Variants in CAPG observed in about 807,000 individuals in gnomAD.
The protein encoded by CAPG is macrophage-capping protein.
A neutral mutation model predicts 44.6 loss-of-function variants in CAPG; 32 were observed. The observed-to-expected ratio is 0.72, with a 90% CI of 0.54 to 0.96. CAPG has a LOEUF of 0.96. Ranked by LOEUF, CAPG falls within the 50% of genes least tolerant of loss-of-function variation. The pLI, the probability that CAPG is intolerant of heterozygous loss-of-function variation, is 0.00. For missense variants in CAPG, 412 were observed against 438.3 expected (o/e 0.94, Z 0.54); for synonymous variants, 175 against 179.6 (o/e 0.97, Z 0.20).
downstream of CAPG, among the ~76,000 whole-genome samples, chr2:85,393,725 C>A (rs550974834): frequency 9.9e-5 from 15 of 152,232 alleles, no homozygotes; most frequent in African/African-American, 3.4e-4. Context: ...CAACCATGCC[C>A]GGCTAATTTT....
At chr2:85,405,009 G>GC (rs1403453573) in intron 1 of CAPG, among the ~76,000 whole-genome samples, 1 of 151,304 alleles carries the variant, frequency 6.6e-6, no homozygotes, top group Non-Finnish European at 1.5e-5. Context: ...TGTTAAAAAG[G>GC]CATCTATTAA....
In CAPG at chr2:85,395,632, T is replaced by C. The variant is rs754582469; in HGVS notation, c.893-6A>G. Reference sequence around the variant, plus strand: ...CTTCTCATTCGCTTTTCGCCCTAGATCATAGGAAGGAGATTTTTAAAAAGA... The same window carrying C: ...CTTCTCATTCGCTTTTCGCCCTAGACCATAGGAAGGAGATTTTTAAAAAGA... On this transcript the variant is annotated splice_region_variant and splice_polypyrimidine_tract_variant and intron_variant, in intron 8 of 9. Transcript: ENST00000263867. The surrounding 1 kb of genome is among the most constrained non-coding windows in gnomAD (Gnocchi z 4.3). 6.2e-7 allele frequency: 1 copy of C among 1,610,392 alleles called. No individual in the cohort carries two copies. The highest frequency in any genetic ancestry group is 1.1e-5 in the South Asian group (1 of 90,658).
chr2:85,415,756 A>G (rs1687538029), intron 1 of CAPG, among the ~76,000 whole-genome samples: 1 of 152,246 alleles, frequency 6.6e-6, no homozygotes, highest in African/African-American at 2.4e-5. Context: ...AAGACTTCCT[A>G]GCCACAGATT....
chr2:85,399,135 C>G lies in CAPG; in HGVS notation c.666+1G>C, dbSNP rs376931882. 2 of 1,613,618 alleles carry G rather than the reference C, an allele frequency of 1.2e-6. No homozygotes were observed. The highest frequency in any genetic ancestry group is 1.7e-6 in the Non-Finnish European group (2 of 1,179,540). ...AGCCACCCACTCCAATGTCCCCCAACCTGGATCATCTCAGCAGGCTCCTCC... is the reference window on the plus strand; with the variant it reads ...AGCCACCCACTCCAATGTCCCCCAAGCTGGATCATCTCAGCAGGCTCCTCC... On this transcript the variant is annotated splice_donor_variant, in intron 6 of 9. Coordinates refer to ENST00000263867, the MANE Select transcript of CAPG (RefSeq NM_001747.4). LOFTEE classifies it high-confidence loss of function.
At chr2:85,408,843 A>AG (rs1687293059) in intron 1 of CAPG, 2 of 152,564 alleles carry the variant, frequency 1.3e-5, no homozygotes, top group African/African-American at 4.8e-5. Context: ...AATAAAACAA[A>AG]AAAAAGAAAG....
At chr2:85,403,793 G>A (rs991609640) in intron 1 of CAPG, among the ~76,000 whole-genome samples, 91 of 151,076 alleles carry the variant, frequency 6.0e-4, no homozygotes, top group African/African-American at 1.7e-3. Context: ...AGGCTGAGGC[G>A]GGAAAATTGC....
chr2:85,407,712 C>T (rs1441124559), intron 1 of CAPG, among the ~76,000 whole-genome samples: 1 of 91,156 alleles, frequency 1.1e-5, no homozygotes, highest in African/African-American at 4.3e-5. Context: ...GACTCTGTCT[C>T]AAAAAAAAAA....
At position 85,401,611 on chromosome 2, in the gene CAPG, T is replaced by C. The variant is rs908836213; in HGVS notation, c.269A>G (p.Glu90Gly). 4.3e-6 allele frequency: 7 copies of C among 1,613,844 alleles called. No homozygotes were observed. The South Asian group carries it at 4.4e-5, about 10-fold the overall frequency. ...CACCTCGCGGTGCTGCACAGGCCGC[T>C]CTCCCAGCAGCGTGTTGAGGTGCAC... is the stretch of plus-strand genomic sequence containing the variant. The part of the protein sequence containing the change: ...LAVHLNTLLG[E>G]RPVQHREVQG... Residue 90 changes from glutamate (E) to glycine (G), a missense_variant, in exon 4 of 10, where the codon GAG becomes GGG. Physicochemically the swap from Glu to Gly is moderately conservative, Grantham distance 98 (BLOSUM62 -2). Transcript: ENST00000263867.
chr2:85,401,547 T>G lies in CAPG; in HGVS notation c.333A>C (p.Pro111=). 6.2e-7 allele frequency: 1 copy of G among 1,614,054 alleles called. No individual in the cohort carries two copies. Reference sequence around the variant, plus strand: ...CTCTGACCTGGTACTTGAGGCCCCGTGGGAAGTAGCTCATGAAGAGGTCAG... The same window carrying G: ...CTCTGACCTGGTACTTGAGGCCCCGGGGGAAGTAGCTCATGAAGAGGTCAG... ...NESDLFMSYF[P]RGLKYQEGGV... Residue 111 remains proline (P), a synonymous_variant, in exon 4 of 10, where the codon CCA becomes CCC. Transcript: ENST00000263867.
upstream of CAPG, among the ~76,000 whole-genome samples, chr2:85,411,482 C>T (rs1687407962): frequency 6.6e-6 from 1 of 152,240 alleles, no homozygotes; most frequent in Non-Finnish European, 1.5e-5. Context: ...GGGAGGCTCC[C>T]ATTCCCTTCT....
Position 85,402,105 on chromosome 2 carries a change from A to G in CAPG, c.23+18T>C. The G allele has an allele frequency of 6.2e-7, 1 of 1,610,730 alleles. No homozygotes were observed. The highest frequency in any genetic ancestry group is 1.1e-5 in the South Asian group (1 of 90,612). On this transcript the variant is annotated intron_variant, in intron 2 of 9. Coordinates refer to ENST00000263867, the MANE Select transcript of CAPG (RefSeq NM_001747.4). ...AAAGAAGGGGAAGTTGTGAAAGGAG[A>G]TGGGGCATGCAGCTTACCTCTGGGG...
At chr2:85,398,904 G>T in intron 6 of CAPG, 122 bp from the exon 7 acceptor site, 1 of 841,172 alleles carries the variant, frequency 1.2e-6, no homozygotes, top group Non-Finnish European at 1.8e-6. Context: ...GCACCCAGCA[G>T]AGGTGAGGTG....
chr2:85,409,631 A>T (rs1179414486), intron 1 of CAPG: 1 of 151,960 alleles, frequency 6.6e-6, no homozygotes, highest in Non-Finnish European at 1.5e-5. Context: ...TGAATCTCCC[A>T]GCCTGGGACA....
At chr2:85,399,551 C>T (rs981760845) in intron 5 of CAPG, among the ~76,000 whole-genome samples, 2 of 151,888 alleles carry the variant, frequency 1.3e-5, no homozygotes, top group African/African-American at 2.4e-5. Context: ...AGTGCAAAGA[C>T]GTGATCATGG....
chr2:85,419,251 T>G (rs77434089), upstream of CAPG: 7 of 152,448 alleles, frequency 4.6e-5, no homozygotes, highest in East Asian at 1.4e-3. Context: ...CAAGGTGAGG[T>G]TAGGAGGCTG....
Position 85,395,216 on chromosome 2 carries a change from CT to C in CAPG, c.982-259del, listed in dbSNP as rs1428515757. The stretch of plus-strand genomic sequence containing the variant: ...AAATGCCACCAACGGTAGCTGAGCC[CT>C]GTCAGCTCCCCACGGGATGACTTGT... On this transcript the variant is annotated intron_variant, in intron 9 of 9. Coordinates refer to ENST00000263867, the MANE Select transcript of CAPG (RefSeq NM_001747.4). The surrounding 1 kb of genome is among the most constrained non-coding windows in gnomAD (Gnocchi z 4.3). 6.6e-6 allele frequency among the ~76,000 whole-genome samples: 1 copy of C among 152,202 alleles called. No individual in the cohort carries two copies. Among genetic ancestry groups the C allele is most frequent in the African/African-American group, 2.4e-5 (1 of 41,448 alleles).
Position 85,401,939 on chromosome 2 carries a change from G to T in CAPG, c.42C>A (p.Gly14=). The change falls in exon 3 of 10, where the codon GGC becomes GGA. Residue 14 remains glycine (G), a synonymous_variant. Coordinates refer to ENST00000263867, the MANE Select transcript of CAPG (RefSeq NM_001747.4). ...AIPQSGSPFP[G]SVQDPGLHVW... is the part of the protein sequence containing the mutation. ...CATGCAGGCCTGGATCCTGCACTGA[G>T]CCTGGGAATGGAGAGCCACTGCGAG... 1 of 1,614,186 alleles carries T rather than the reference G, an allele frequency of 6.2e-7. No homozygotes were observed. Among genetic ancestry groups the T allele is most frequent in the African/African-American group, 1.3e-5 (1 of 75,044 alleles).
chr2:85,396,282 C>G (rs1345469049), intron 8 of CAPG, among the ~76,000 whole-genome samples: 1 of 152,126 alleles, frequency 6.6e-6, no homozygotes, highest in African/African-American at 2.4e-5. Flanking sequence ...ACCTCCCAGG[C>G]TCAAGCAATC....
At chr2:85,412,294 T>C (rs62162748), upstream of CAPG, among the ~76,000 whole-genome samples, 38,271 of 151,894 alleles carry the variant, frequency 0.25, 5,335 homozygotes, top group Non-Finnish European at 0.33. Context: ...GGGTGGATCA[T>C]GAGGTCAGGA....
Sources: allele counts gnomAD v4.1 joint callset (sites outside exome capture counted in the v4.1 genomes callset), GRCh38; gene constraint gnomAD v4.1.1; non-coding constraint Gnocchi (gnomAD v3.1); transcripts MANE v1.5; gene names NCBI Gene and HGNC (gene_info 2026-07-23, HGNC 2026-07-21).